Variants in PCNX4 observed in about 807,000 individuals in gnomAD.
The protein encoded by PCNX4 is pecanex 4.
A neutral mutation model predicts 107.2 loss-of-function variants in PCNX4; 103 were observed. The observed-to-expected ratio is 0.96, with a 90% CI of 0.82 to 1.13. The LOEUF (loss-of-function observed/expected upper bound fraction) is 1.13. Ranked by LOEUF, PCNX4 falls within the 50% of genes most tolerant of loss-of-function variation. The pLI is 0.00. For missense variants in PCNX4, 1,528 were observed against 1,379.4 expected (o/e 1.11, Z -1.71); for synonymous variants, 541 against 481.7 (o/e 1.12, Z -1.61).
intron 8 of PCNX4, among the ~76,000 whole-genome samples, chr14:60,122,188 A>G (rs192962422): frequency 1.2e-3 from 183 of 152,262 alleles, no homozygotes; most frequent in African/African-American, 4.1e-3. Context: ...CCTTACCTGG[A>G]TAATTGAAAT....
chr14:60,095,020 G>A (rs1895396316), intron 1 of PCNX4, among the ~76,000 whole-genome samples: 1 of 152,148 alleles, frequency 6.6e-6, no homozygotes, highest in Non-Finnish European at 1.5e-5. Context: ...AATTTATAGT[G>A]GGTGTCAGTC....
intron 1 of PCNX4, among the ~76,000 whole-genome samples, chr14:60,092,955 T>A (rs955275159): frequency 6.6e-6 from 1 of 152,258 alleles, no homozygotes; most frequent in African/African-American, 2.4e-5. Flanking sequence ...CATTTTTTAC[T>A]ATTTTTAGGT....
Position 60,092,074 on chromosome 14 carries a change from C to T in PCNX4, c.-399C>T, listed in dbSNP as rs1034347847. 6.6e-6 allele frequency: 1 copy of T among 152,348 alleles called. No individual in the cohort carries two copies. Among genetic ancestry groups the T allele is most frequent in the Non-Finnish European group, 1.5e-5 (1 of 68,118 alleles). 9.4% of individuals were successfully genotyped at this position (152,348 alleles called of 1,614,324 possible). ...CTAGTCCTGGCGCGAACGAAGCGCG[C>T]TATTTCCCTGCTTCCTCTAGGCCAA... On this transcript the variant is annotated 5_prime_UTR_variant, in exon 1 of 11. Coordinates refer to ENST00000406854, the MANE Select transcript of PCNX4 (RefSeq NM_001330177.2).
chr14:60,111,854 A>G (rs944788115), intron 2 of PCNX4, among the ~76,000 whole-genome samples: 1 of 152,178 alleles, frequency 6.6e-6, no homozygotes, highest in South Asian at 2.1e-4. Flanking sequence ...TCTATTTTTA[A>G]AGAAGAAAAT....
chr14:60,122,509 ACCT>A (rs1192695941), intron 8 of PCNX4, among the ~76,000 whole-genome samples: 4 of 151,434 alleles, frequency 2.6e-5, no homozygotes, highest in Non-Finnish European at 5.9e-5. Context: ...CTCAAATGTC[ACCT>A]CCTCAGTGAG....
In PCNX4 at chr14:60,107,712, T is replaced by C. The variant is rs1163374897; in HGVS notation, c.74T>C (p.Leu25Pro). The C allele has an allele frequency of 6.2e-7, 1 of 1,612,842 alleles. No individual in the cohort carries two copies. The change falls in exon 2 of 11, where the codon CTT (leucine) becomes CCT (proline). Residue 25 changes from leucine to proline, a missense_variant. By Grantham distance (98) the Leu-to-Pro change is moderately conservative. Coordinates refer to ENST00000406854, the MANE Select transcript of PCNX4 (RefSeq NM_001330177.2). ...CTGAAGCGCTTTCCACAGACTGTTC[T>C]TGGAGGCCCTCGATTCAAATTAGGC... ...FFLKRFPQTVLGGPRFKLGYC... is the reference protein window; with the variant it reads ...FFLKRFPQTVPGGPRFKLGYC...
chr14:60,134,063 C>G lies in PCNX4; in HGVS notation c.3361C>G (p.Leu1121Val). 1 of 1,613,812 alleles carries G rather than the reference C, an allele frequency of 6.2e-7. No individual in the cohort carries two copies. The highest frequency in any genetic ancestry group is 8.5e-7 in the Non-Finnish European group (1 of 1,179,776). ...AGCTGTTAGAGGTCAGTGGGCCAATCTTTCATGGGAATTACTTTATGCCAC... is the reference window on the plus strand; with the variant it reads ...AGCTGTTAGAGGTCAGTGGGCCAATGTTTCATGGGAATTACTTTATGCCAC... The part of the protein sequence containing the change: ...PEAVRGQWAN[L>V]SWELLYATND... Residue 1121 changes from leucine (L) to valine (V), a missense_variant, in exon 11 of 11, where the codon CTT becomes GTT. Leu to Val is a conservative substitution (Grantham distance 32). Coordinates refer to ENST00000406854, the MANE Select transcript of PCNX4 (RefSeq NM_001330177.2).
intron 2 of PCNX4, chr14:60,110,924 G>C (rs1211441021): frequency 1.2e-5 from 2 of 167,126 alleles, no homozygotes; most frequent in South Asian, 4.1e-4. Context: ...TTGGAGATGG[G>C]CCTCTGGGAG....
At chr14:60,116,563 A>G (rs992878224) in intron 6 of PCNX4, among the ~76,000 whole-genome samples, 1 of 152,204 alleles carries the variant, frequency 6.6e-6, no homozygotes, top group African/African-American at 2.4e-5. Flanking sequence ...GTTGGTGTAA[A>G]CAAACCTACT....
At position 60,134,226 on chromosome 14, in the gene PCNX4, C is replaced by T. The variant is rs556581967; in HGVS notation, c.*5C>T. The T allele has an allele frequency of 6.2e-6, 10 of 1,611,670 alleles. No homozygotes were observed. Among genetic ancestry groups the T allele is most frequent in the South Asian group, 5.5e-5 (5 of 90,798 alleles). ...CTCCACATACATTTGTATTAGAGCTCATTTTGACTGTAATGTCATCAAATG... is the reference window on the plus strand; with the variant it reads ...CTCCACATACATTTGTATTAGAGCTTATTTTGACTGTAATGTCATCAAATG... On this transcript the variant is annotated 3_prime_UTR_variant, in exon 11 of 11. Coordinates refer to ENST00000406854, the MANE Select transcript of PCNX4 (RefSeq NM_001330177.2).
intron 1 of PCNX4, among the ~76,000 whole-genome samples, chr14:60,095,307 A>C (rs1464160223): frequency 2.6e-5 from 4 of 152,194 alleles, no homozygotes; most frequent in Non-Finnish European, 5.9e-5. Flanking sequence ...TCTGCATTTT[A>C]CATAAGATAA....
At chr14:60,105,520 A>G (rs1025704631) in intron 1 of PCNX4, among the ~76,000 whole-genome samples, 1 of 152,192 alleles carries the variant, frequency 6.6e-6, no homozygotes, top group African/African-American at 2.4e-5. Context: ...CCATCTATAT[A>G]TATAGGTGTG....
In PCNX4 at chr14:60,092,282, A is replaced by T. The variant is rs1030407977; in HGVS notation, c.-191A>T. On this transcript the variant is annotated 5_prime_UTR_variant, in exon 1 of 11. Coordinates refer to ENST00000406854, the MANE Select transcript of PCNX4 (RefSeq NM_001330177.2). ...CGGGCGGGGCCGCGGTGAGCTCGTT[A>T]TTCGGCCGCCGCAGCTTTTCTGCCT... 4 of 152,264 alleles carry T rather than the reference A, an allele frequency of 2.6e-5. No homozygotes were observed. The highest frequency in any genetic ancestry group is 5.9e-5 in the Non-Finnish European group (4 of 68,062). 9.4% of individuals were successfully genotyped at this position (152,264 alleles called of 1,614,324 possible).
At position 60,144,060 on chromosome 14, in the gene PCNX4, A is replaced by G. The variant is rs929425004; in HGVS notation, c.*9839A>G. The G allele has an allele frequency of 6.6e-6, 1 of 152,226 alleles. No individual in the cohort carries two copies. The highest frequency in any genetic ancestry group is 2.4e-5 in the African/African-American group (1 of 41,448). The allele number at this position is 152,226 out of a possible 1,614,324, so 9.4% of individuals were successfully genotyped here. ...TTCATCTATCAAGGTAGGTAATACC[A>G]TCTATCTTAGTGGGCTGTTATGAGG... On this transcript the variant is annotated 3_prime_UTR_variant, in exon 11 of 11. Coordinates refer to ENST00000406854, the MANE Select transcript of PCNX4 (RefSeq NM_001330177.2).
chr14:60,132,007 C>T (rs1452623622), intron 10 of PCNX4, among the ~76,000 whole-genome samples: 4 of 152,164 alleles, frequency 2.6e-5, no homozygotes, highest in African/African-American at 9.7e-5. Context: ...TTTCTAAGGG[C>T]TGCTGCAACA....
rs755180961 is a variant in PCNX4, at chr14:60,108,353, A to G, written c.689+26A>G. 4 of 1,522,138 alleles carry G rather than the reference A, an allele frequency of 2.6e-6. No individual in the cohort carries two copies. In the South Asian group the frequency reaches 5.0e-5, roughly 19 times the overall value. 94.3% of individuals were successfully genotyped at this position (1,522,138 alleles called of 1,614,324 possible). On this transcript the variant is annotated intron_variant, in intron 2 of 10. Transcript: ENST00000406854. ...GTAAAAACCTACCAAATACTTTGTA[A>G]CTAACTTTGTTTTTAAGTATACAGA...
intron 8 of PCNX4, 129 bp downstream of exon 8, chr14:60,121,428 G>T: frequency 1.0e-6 from 1 of 958,282 alleles, no homozygotes; most frequent in Non-Finnish European, 1.5e-6. Flanking sequence ...AACACCTAGG[G>T]ATTTTTAAAG....
intron 2 of PCNX4, among the ~76,000 whole-genome samples, chr14:60,114,301 G>T (rs1895795158): frequency 6.6e-6 from 1 of 152,168 alleles, no homozygotes; most frequent in Non-Finnish European, 1.5e-5. Flanking sequence ...AGAATCATTG[G>T]TAGAATTTCA....
At chr14:60,130,181 AT>A (rs1266728839) in intron 10 of PCNX4, among the ~76,000 whole-genome samples, 1 of 152,042 alleles carries the variant, frequency 6.6e-6, no homozygotes, top group Non-Finnish European at 1.5e-5. Context: ...CTTAAAAAAA[AT>A]AAACAAAATT....
Sources: gnomAD v4.1 joint callset for allele counts (sites outside exome capture counted in the v4.1 genomes callset) on GRCh38, gnomAD v4.1.1 for gene constraint, MANE v1.5 for transcripts, NCBI Gene and HGNC (gene_info 2026-07-23, HGNC 2026-07-21) for gene names.